The following CSMD1 variants were observed in gnomAD, a reference collection of about 807,000 sequenced individuals.
The protein encoded by CSMD1 is CUB and Sushi multiple domains 1.
CSMD1 carries 213 observed loss-of-function variants against 417.5 expected under a neutral mutation model. The ratio of observed to expected loss-of-function variants is 0.51; its 90% CI spans 0.46 to 0.57. The LOEUF is 0.57. CSMD1 is among the 20% of genes least tolerant of loss of function. The pLI, the probability that CSMD1 is intolerant of heterozygous loss-of-function variation, is 0.00. For synonymous variants in CSMD1, 2,862 were observed against 1,736.8 expected, an observed-to-expected ratio of 1.65 and a Z score of -16.11; for missense variants, 6,923 against 4,529.7, an observed-to-expected ratio of 1.53 and a Z score of -15.17.
intron 1 of CSMD1, among the ~76,000 whole-genome samples, chr8:4,907,147 G>A (rs948159271): frequency 6.6e-6 from 1 of 152,190 alleles, no homozygotes; most frequent in African/African-American, 2.4e-5. Context: ...GAATAATGAT[G>A]AAATATTCTT....
chr8:3,173,986 T>C (rs2129044825), intron 37 of CSMD1, among the ~76,000 whole-genome samples: 1 of 152,304 alleles, frequency 6.6e-6, no homozygotes, highest in South Asian at 2.1e-4. Flanking sequence ...TTAATCCTCA[T>C]TTAGATACTT....
intron 42 of CSMD1, chr8:3,112,950 C>T (rs998144639): frequency 2.0e-5 from 3 of 152,262 alleles, no homozygotes; most frequent in African/African-American, 2.4e-5. Context: ...CTGGCCTGAT[C>T]TTTATCTACT....
intron 2 of CSMD1, among the ~76,000 whole-genome samples, chr8:4,571,712 A>T (rs1419637182): frequency 1.3e-5 from 2 of 152,148 alleles, no homozygotes; most frequent in African/African-American, 4.8e-5. Context: ...TGATCTGTCT[A>T]GTATTGACAG....
intron 52 of CSMD1, among the ~76,000 whole-genome samples, chr8:3,005,117 C>T (rs943347692): frequency 2.6e-5 from 4 of 152,142 alleles, no homozygotes; most frequent in East Asian, 1.9e-4. Context: ...CCAGCCTGGA[C>T]GACAGAGCAA....
intron 3 of CSMD1, among the ~76,000 whole-genome samples, chr8:4,308,595 T>A (rs1798384099): frequency 6.6e-6 from 1 of 152,190 alleles, no homozygotes; most frequent in African/African-American, 2.4e-5. Context: ...CTCCTTAGAA[T>A]AATGGAGAGA....
At chr8:4,391,608 C>G (rs1337045520) in intron 3 of CSMD1, among the ~76,000 whole-genome samples, 1 of 152,002 alleles carries the variant, frequency 6.6e-6, no homozygotes, top group Non-Finnish European at 1.5e-5. Flanking sequence ...CTTTTGACTC[C>G]AGACCAAGCA....
At chr8:3,699,706 G>C (rs531549741) in intron 7 of CSMD1, among the ~76,000 whole-genome samples, 1 of 152,140 alleles carries the variant, frequency 6.6e-6, no homozygotes, top group Admixed American at 6.6e-5. Flanking sequence ...ATTTCCCCTG[G>C]AGAAGGAACA....
At position 2,954,273 on chromosome 8, in the gene CSMD1, A is replaced by T; in HGVS notation, c.9995-5T>A. 2.8e-6 allele frequency: 4 copies of T among 1,437,962 alleles called. No homozygotes were observed. The highest frequency in any genetic ancestry group is 3.8e-6 in the Non-Finnish European group (4 of 1,060,096). The allele number at this position is 1,437,962 out of a possible 1,614,324, so 89.1% of individuals were successfully genotyped here. Reference sequence around the variant, plus strand: ...TAACTTCTCTCACTCCTTTACCTACAAGTAAAAAGACAAATTATCATTTTA... The same window carrying T: ...TAACTTCTCTCACTCCTTTACCTACTAGTAAAAAGACAAATTATCATTTTA... On this transcript the variant is annotated splice_region_variant and splice_polypyrimidine_tract_variant and intron_variant, in intron 64 of 69. Transcript: ENST00000635120.
intron 7 of CSMD1, among the ~76,000 whole-genome samples, chr8:3,630,435 G>A (rs576084051): frequency 6.6e-6 from 1 of 152,194 alleles, no homozygotes; most frequent in African/African-American, 2.4e-5. Flanking sequence ...CCAAACCACT[G>A]AAACTTGAGA....
chr8:3,122,621 G>A lies in CSMD1; in HGVS notation c.6242-4034C>T, dbSNP rs1046462278. 3.3e-5 allele frequency among the ~76,000 whole-genome samples: 5 copies of A among 152,192 alleles called. No homozygotes were observed. The South Asian group carries it at 6.2e-4, about 19-fold the overall frequency. ...GTCCAATCAATCTCATACTATTCTC[G>A]TGATAGTGAATGAGTCTCACGAGAG... On this transcript the variant is annotated intron_variant, in intron 41 of 69. Transcript: ENST00000635120.
At chr8:4,184,869 G>A (rs2131190048) in intron 3 of CSMD1, among the ~76,000 whole-genome samples, 2 of 149,738 alleles carry the variant, frequency 1.3e-5, no homozygotes, top group South Asian at 4.2e-4. Context: ...AGGCCAAGGT[G>A]GGTGGATCAC....
chr8:3,887,642 T>C (rs1006592100), intron 5 of CSMD1, among the ~76,000 whole-genome samples: 13 of 152,316 alleles, frequency 8.5e-5, no homozygotes, highest in Middle Eastern at 3.4e-3. Context: ...TTGAGAACAC[T>C]GTTCCACACC....
intron 5 of CSMD1, among the ~76,000 whole-genome samples, chr8:3,961,953 T>A (rs929906693): frequency 2.0e-5 from 3 of 152,132 alleles, no homozygotes; most frequent in African/African-American, 7.2e-5. Flanking sequence ...AAATACCACA[T>A]ATTGAAAGGA....
At chr8:4,626,880 A>G (rs1218233144) in intron 2 of CSMD1, among the ~76,000 whole-genome samples, 1 of 152,186 alleles carries the variant, frequency 6.6e-6, no homozygotes, top group African/African-American at 2.4e-5. Context: ...ATCAAGTGAA[A>G]TACTTGCCTT....
Position 4,466,209 on chromosome 8 carries a change from T to C in CSMD1, c.303-46144A>G, listed in dbSNP as rs73660873. The stretch of plus-strand genomic sequence containing the variant: ...AAGATTGGGCATGATGCTTTTATAA[T>C]AGTGAGACAGGGATCTCTCCTGGCT... On this transcript the variant is annotated intron_variant, in intron 2 of 69. Coordinates refer to ENST00000635120, the MANE Select transcript of CSMD1 (RefSeq NM_033225.6). 3.5e-3 allele frequency among the ~76,000 whole-genome samples: 535 copies of C among 152,188 alleles called. 3 individuals carry two copies. The highest frequency in any genetic ancestry group is 0.012 in the African/African-American group (512 of 41,518).
Position 4,549,260 on chromosome 8 carries a change from A to T in CSMD1, c.302+88082T>A, listed in dbSNP as rs552882588. ...CTACCATATTCCAGAATGCCAAAGA[A>T]ATTATAACGGAAGACCAAACACCCA... On this transcript the variant is annotated intron_variant, in intron 2 of 69. Transcript: ENST00000635120. 5.9e-5 allele frequency among the ~76,000 whole-genome samples: 9 copies of T among 152,286 alleles called. No homozygotes were observed. In the South Asian group the frequency reaches 1.9e-3, roughly 32 times the overall value.
intron 26 of CSMD1, among the ~76,000 whole-genome samples, chr8:3,248,428 A>C (rs910274169): frequency 6.6e-6 from 1 of 151,986 alleles, no homozygotes; most frequent in Non-Finnish European, 1.5e-5. Context: ...CAGAAGAATA[A>C]GGGAAATGGC....
chr8:3,727,634 G>C (rs925315532), intron 6 of CSMD1, among the ~76,000 whole-genome samples: 4 of 152,130 alleles, frequency 2.6e-5, no homozygotes, highest in Non-Finnish European at 5.9e-5. Flanking sequence ...TGAAATAATG[G>C]AAAGCTGGGA....
chr8:4,923,387 G>A (rs1017685191), intron 1 of CSMD1, among the ~76,000 whole-genome samples: 1 of 152,086 alleles, frequency 6.6e-6, no homozygotes, highest in African/African-American at 2.4e-5. Flanking sequence ...GAGTGTAACT[G>A]GATTGTTTGA....
Sources: gnomAD v4.1 joint callset for allele counts (sites outside exome capture counted in the v4.1 genomes callset) on GRCh38, gnomAD v4.1.1 for gene constraint, MANE v1.5 for transcripts, NCBI Gene and HGNC (gene_info 2026-07-23, HGNC 2026-07-21) for gene names.